Variants in SCAPER observed in about 807,000 individuals in gnomAD.
SCAPER encodes the protein S phase cyclin A-associated protein in the endoplasmic reticulum.
In SCAPER, 98 loss-of-function variants were observed where a neutral mutation model predicts 182.2. That is an observed-to-expected ratio of 0.54 (90% CI 0.46 to 0.64). The LOEUF (loss-of-function observed/expected upper bound fraction) is 0.64. Among genes scored for constraint, SCAPER ranks in the 30% least tolerant of loss-of-function variants. SCAPER has a pLI of 0.00. For missense variants in SCAPER, 1,432 were observed against 1,690.0 expected (o/e 0.85, Z 2.68); for synonymous variants, 605 against 564.6 (o/e 1.07, Z -1.01).
chr15:76,414,804 A>C (rs1429059312), intron 26 of SCAPER, among the ~76,000 whole-genome samples: 2 of 152,124 alleles, frequency 1.3e-5, no homozygotes, highest in African/African-American at 4.8e-5. Context: ...GATTTTTAAC[A>C]CTCCTATTTT....
intron 1 of SCAPER, among the ~76,000 whole-genome samples, chr15:76,891,848 A>G (rs1190946963): frequency 6.6e-6 from 1 of 152,212 alleles, no homozygotes; most frequent in Non-Finnish European, 1.5e-5. Context: ...ATATGGAACC[A>G]AAAAAGAGCC....
intron 23 of SCAPER, among the ~76,000 whole-genome samples, chr15:76,510,864 CGT>C (rs58154549): frequency 0.46 from 69,661 of 150,138 alleles, 16,319 homozygotes; most frequent in East Asian, 0.63. Context: ...CTGGTGCGCG[CGT>C]GTGTGTGTGT....
intron 22 of SCAPER, among the ~76,000 whole-genome samples, chr15:76,604,970 A>T (rs2050248759): frequency 6.6e-6 from 1 of 152,180 alleles, no homozygotes; most frequent in South Asian, 2.1e-4. Flanking sequence ...TGTCATCTGC[A>T]AACAGGGACA....
At chr15:76,695,332 A>C (rs1328652710) in intron 20 of SCAPER, among the ~76,000 whole-genome samples, 1 of 152,324 alleles carries the variant, frequency 6.6e-6, no homozygotes, top group East Asian at 1.9e-4. Context: ...ACAGTGGCTC[A>C]TACCTGTAAT....
At chr15:76,406,390 A>G (rs2044832376) in intron 26 of SCAPER, among the ~76,000 whole-genome samples, 1 of 152,154 alleles carries the variant, frequency 6.6e-6, no homozygotes, top group South Asian at 2.1e-4. Context: ...AGGCAGGAGA[A>G]TCGCTTGAAC....
chr15:76,822,372 T>G (rs549582418), intron 5 of SCAPER, among the ~76,000 whole-genome samples: 1 of 152,296 alleles, frequency 6.6e-6, no homozygotes, highest in Non-Finnish European at 1.5e-5. Flanking sequence ...GAAATATGTT[T>G]AAAAAAGTAA....
intron 23 of SCAPER, among the ~76,000 whole-genome samples, chr15:76,558,554 G>A (rs1443056810): frequency 6.6e-6 from 1 of 152,180 alleles, no homozygotes; most frequent in Non-Finnish European, 1.5e-5. Flanking sequence ...TGAGAAAAGG[G>A]ATTGCTTATA....
At chr15:76,466,419 C>CTT in intron 25 of SCAPER, among the ~76,000 whole-genome samples, 1,071 of 37,308 alleles carry the variant, frequency 0.029, 50 homozygotes, top group Admixed American at 0.049. Context: ...GTTGGTTCTT[C>CTT]TTTTTTTTTT....
intron 24 of SCAPER, among the ~76,000 whole-genome samples, chr15:76,474,361 AAG>A (rs1939080708): frequency 6.6e-6 from 1 of 152,218 alleles, no homozygotes; most frequent in Non-Finnish European, 1.5e-5. Context: ...AGAGATGGTG[AAG>A]AGAGACCTTG....
Position 76,370,558 on chromosome 15 carries a change from G to A in SCAPER, c.3855+5604C>T, listed in dbSNP as rs2042100410. 2.0e-5 allele frequency among the ~76,000 whole-genome samples: 3 copies of A among 152,170 alleles called. No homozygotes were observed. In the South Asian group the frequency reaches 6.2e-4, roughly 32 times the overall value. On this transcript the variant is annotated intron_variant, in intron 29 of 31. Coordinates refer to ENST00000563290, the MANE Select transcript of SCAPER (RefSeq NM_020843.4). The stretch of plus-strand genomic sequence containing the variant: ...GACCTCAAGTGATCTGCCTGCCTCG[G>A]CTGCCCAAAGTGCTGGGATTATAGA...
chr15:76,779,326 T>G (rs1433157195), intron 8 of SCAPER, among the ~76,000 whole-genome samples: 1 of 152,058 alleles, frequency 6.6e-6, no homozygotes, highest in Non-Finnish European at 1.5e-5. Context: ...ATAACTGACA[T>G]CACACAAAGT....
chr15:76,732,326 T>C (rs1389047590), intron 16 of SCAPER, among the ~76,000 whole-genome samples: 2 of 152,178 alleles, frequency 1.3e-5, no homozygotes, highest in Non-Finnish European at 2.9e-5. Flanking sequence ...TATGATTATA[T>C]ATGAATATCA....
intron 26 of SCAPER, among the ~76,000 whole-genome samples, chr15:76,421,348 G>A (rs1366375677): frequency 2.6e-5 from 4 of 152,210 alleles, no homozygotes; most frequent in Non-Finnish European, 5.9e-5. Context: ...TTGTGGTTTT[G>A]ATTTGCATTT....
intron 1 of SCAPER, among the ~76,000 whole-genome samples, chr15:76,900,100 C>A (rs1039652935): frequency 5.3e-5 from 8 of 152,076 alleles, no homozygotes; most frequent in African/African-American, 1.7e-4. Flanking sequence ...GGATTAAGGG[C>A]GGCGCAAGAT....
chr15:76,702,014 C>A, intron 19 of SCAPER, 149 bp from the exon 20 acceptor site: 1 of 512,154 alleles, frequency 2.0e-6, no homozygotes, highest in South Asian at 3.1e-5. Context: ...GAACATAATT[C>A]TGAGAATCCT....
At chr15:76,777,469 G>C (rs565151705) in intron 8 of SCAPER, among the ~76,000 whole-genome samples, 4 of 151,844 alleles carry the variant, frequency 2.6e-5, no homozygotes, top group African/African-American at 4.8e-5. Context: ...GAGGCCAAGG[G>C]GGGTGGATCA....
At chr15:76,580,500 A>G (rs186946283) in intron 22 of SCAPER, among the ~76,000 whole-genome samples, 12 of 152,326 alleles carry the variant, frequency 7.9e-5, no homozygotes, top group Non-Finnish European at 1.3e-4. Flanking sequence ...CATGCCTGTA[A>G]TCCTAGCACT....
At chr15:76,683,176 G>A (rs1325754017) in intron 20 of SCAPER, among the ~76,000 whole-genome samples, 1 of 151,666 alleles carries the variant, frequency 6.6e-6, no homozygotes, top group African/African-American at 2.4e-5. Flanking sequence ...CAATGCAGGA[G>A]TTAAAAAATG....
At chr15:76,584,597 T>G (rs750494819) in intron 22 of SCAPER, among the ~76,000 whole-genome samples, 6 of 152,238 alleles carry the variant, frequency 3.9e-5, no homozygotes, top group Non-Finnish European at 7.3e-5. Context: ...TCAAGAAAGT[T>G]ATGTGATCTT....
Sources: allele counts gnomAD v4.1 joint callset (sites outside exome capture counted in the v4.1 genomes callset), GRCh38; gene constraint gnomAD v4.1.1; transcripts MANE v1.5; gene names NCBI Gene and HGNC (gene_info 2026-07-23, HGNC 2026-07-21).